The following TTC38 variants were observed in gnomAD, a reference collection of about 807,000 sequenced individuals.
TTC38 encodes the protein tetratricopeptide repeat domain 38, also known as tetratricopeptide repeat protein 38.
Under a neutral mutation model 64.2 loss-of-function variants are expected in TTC38, and 64 were observed. The observed-to-expected ratio is 1.00, with a 90% CI of 0.81 to 1.23. TTC38 has a LOEUF of 1.23. Ranked by LOEUF, TTC38 falls within the 50% of genes most tolerant of loss-of-function variation. The pLI, the probability that TTC38 is intolerant of heterozygous loss-of-function variation, is 0.00. For missense variants in TTC38, 573 were observed against 615.5 expected, an observed-to-expected ratio of 0.93 and a Z score of 0.73; for synonymous variants, 254 against 249.3, an observed-to-expected ratio of 1.02 and a Z score of -0.18.
intron 6 of TTC38, among the ~76,000 whole-genome samples, chr22:46,279,194 G>T (rs1012676561): frequency 1.3e-5 from 2 of 152,228 alleles, no homozygotes; most frequent in East Asian, 3.8e-4. Flanking sequence ...AGGGCTGGGT[G>T]GCAGGCTGCA....
intron 11 of TTC38, 126 bp from the exon 12 acceptor site, chr22:46,289,276 C>A (rs1029568612): frequency 2.6e-5 from 32 of 1,220,118 alleles, no homozygotes; most frequent in Non-Finnish European, 3.4e-5. Flanking sequence ...CCTGTCACCT[C>A]ACCTCATCAG....
At chr22:46,287,920 C>T (rs1163364442) in intron 10 of TTC38, among the ~76,000 whole-genome samples, 2 of 152,220 alleles carry the variant, frequency 1.3e-5, no homozygotes, top group South Asian at 2.1e-4. Flanking sequence ...ACATAGAAGC[C>T]AGCAGCCTGC....
intron 5 of TTC38, among the ~76,000 whole-genome samples, chr22:46,277,441 C>T (rs2077500139): frequency 6.6e-6 from 1 of 151,946 alleles, no homozygotes. Flanking sequence ...CCCGTCTCTA[C>T]TAAAAATACC....
chr22:46,279,143 C>T (rs1773693655), intron 6 of TTC38, among the ~76,000 whole-genome samples: 1 of 152,178 alleles, frequency 6.6e-6, no homozygotes, highest in South Asian at 2.1e-4. Context: ...TGATGATCGC[C>T]AGTCATGATC....
At position 46,281,524 on chromosome 22, in the gene TTC38, A is replaced by G. The variant is rs1345716223; in HGVS notation, c.616-75A>G. The G allele has an allele frequency of 2.6e-6, 4 of 1,563,560 alleles. No homozygotes were observed. The highest frequency in any genetic ancestry group is 2.6e-6 in the Non-Finnish European group (3 of 1,148,106). On this transcript the variant is annotated intron_variant, in intron 6 of 13. Coordinates refer to ENST00000381031, the MANE Select transcript of TTC38 (RefSeq NM_017931.4). The surrounding 1 kb of genome is among the most constrained non-coding windows in gnomAD (Gnocchi z 5.2). ...AGCCCAGGCCCCTCTTGCCCCTTAG[A>G]GACCTGCCGTCGCCTGCCCCGGCAG...
rs1298103396 is a variant in TTC38 at position 46,293,275 on chromosome 22, G to A, written c.*391G>A. The A allele has an allele frequency of 5.0e-5, 11 of 219,050 alleles. No individual in the cohort carries two copies. Among genetic ancestry groups the A allele is most frequent in the East Asian group, 9.9e-5 (1 of 10,148 alleles). 13.6% of individuals were successfully genotyped at this position (219,050 alleles called of 1,614,324 possible). A position where few individuals can be genotyped will look rare whatever the true frequency, so the allele number is the denominator to read the frequency against. ...CAGCCTCCCCCCACTGCCTGTCCCC[G>A]TCCCCACCAGGCTGCCCTTGGGATG... On this transcript the variant is annotated 3_prime_UTR_variant, in exon 14 of 14. Coordinates refer to ENST00000381031, the MANE Select transcript of TTC38 (RefSeq NM_017931.4). This position sits in a 1 kb window ranked among gnomAD's most constrained non-coding sequence, Gnocchi z 6.6.
In TTC38 at chr22:46,289,458, G is replaced by T. The variant is rs979000466; in HGVS notation, c.1139G>T (p.Cys380Phe). ...GCCCGAGACGTGGGGCTGCCCCTGT[G>T]CCAGGCCCTGGTGGAGGCTGAGGAC... is the stretch of plus-strand genomic sequence containing the variant. ...LLARDVGLPL[C>F]QALVEAEDGN... Residue 380 changes from cysteine (C) to phenylalanine (F), a missense_variant, in exon 12 of 14, where the codon TGC becomes TTC. Physicochemically the swap from Cys to Phe is radical, Grantham distance 205. Transcript: ENST00000381031. 3.1e-6 allele frequency: 5 copies of T among 1,609,342 alleles called. No individual in the cohort carries two copies. Among genetic ancestry groups the T allele is most frequent in the Non-Finnish European group, 3.4e-6 (4 of 1,179,762 alleles).
chr22:46,275,465 C>G lies in TTC38; in HGVS notation c.539+44C>G. 3 of 1,568,650 alleles carry G rather than the reference C, an allele frequency of 1.9e-6. No homozygotes were observed. The highest frequency in any genetic ancestry group is 2.6e-6 in the Non-Finnish European group (3 of 1,152,156). ...TCACATTATTTCTGTTTCTTAATCT[C>G]TCTTTTCTGCCCTAAAAATATGGTG... On this transcript the variant is annotated intron_variant, in intron 5 of 13. Transcript: ENST00000381031. The surrounding 1 kb of genome is among the most constrained non-coding windows in gnomAD (Gnocchi z 4.5).
rs765670196 is a variant in TTC38 at position 46,283,955 on chromosome 22, T to C, written c.736-18T>C. The C allele has an allele frequency of 1.8e-5, 27 of 1,471,900 alleles. No individual in the cohort carries two copies. The highest frequency in any genetic ancestry group is 2.4e-5 in the East Asian group (1 of 42,008). 91.2% of individuals were successfully genotyped at this position (1,471,900 alleles called of 1,614,324 possible). On this transcript the variant is annotated intron_variant, in intron 7 of 13. Transcript: ENST00000381031. The stretch of plus-strand genomic sequence containing the variant: ...CCTTCAGACTTTTCATAAATTCTCT[T>C]TTTTTTTTTTTCTCCAGGACTCTGA...
Position 46,288,602 on chromosome 22 carries a change from C to G in TTC38, c.1082+14C>G. Reference sequence around the variant, plus strand: ...GGACGCCAGCGAGTATGCAGAGGGGCCTTCTCGGGGTGGGGGTCCTCACCC... The same window carrying G: ...GGACGCCAGCGAGTATGCAGAGGGGGCTTCTCGGGGTGGGGGTCCTCACCC... On this transcript the variant is annotated intron_variant, in intron 11 of 13. Transcript: ENST00000381031. 6.2e-7 allele frequency: 1 copy of G among 1,611,898 alleles called. No homozygotes were observed. The highest frequency in any genetic ancestry group is 2.2e-5 in the East Asian group (1 of 44,856).
intron 11 of TTC38, 132 bp downstream of exon 11, chr22:46,288,720 C>T (rs1159801772): frequency 1.1e-5 from 10 of 907,984 alleles, no homozygotes; most frequent in Middle Eastern, 3.1e-4. Flanking sequence ...CCCATGGAGG[C>T]AGCTCCCAGG....
Position 46,274,596 on chromosome 22 carries a change from G to A in TTC38, c.365+527G>A, listed in dbSNP as rs12168027. On this transcript the variant is annotated intron_variant, in intron 4 of 13. Coordinates refer to ENST00000381031, the MANE Select transcript of TTC38 (RefSeq NM_017931.4). The surrounding 1 kb of genome is among the most constrained non-coding windows in gnomAD (Gnocchi z 4.8). Reference sequence around the variant, plus strand: ...CCCTAGCCGATTGTGCAGGGACTCAGGGATTCCGAACCCTGAGACTGGGGA... The same window carrying A: ...CCCTAGCCGATTGTGCAGGGACTCAAGGATTCCGAACCCTGAGACTGGGGA... 5.0e-3 allele frequency among the ~76,000 whole-genome samples: 757 copies of A among 152,364 alleles called. 6 individuals carry two copies. Among genetic ancestry groups the A allele is most frequent in the African/African-American group, 0.017 (716 of 41,582 alleles).
intron 9 of TTC38, 97 bp from the exon 10 acceptor site, chr22:46,286,976 A>AGAG: frequency 1.1e-6 from 1 of 916,126 alleles, no homozygotes; most frequent in Non-Finnish European, 1.7e-6. Context: ...TGCTCTATGC[A>AGAG]GGCCCCACCC....
Position 46,292,126 on chromosome 22 carries a change from C to A in TTC38, c.1317-665C>A, listed in dbSNP as rs1383585026. ...CAGCCACTTTCTTGCTGTGTCCTCA[C>A]ATGACCTTTCCTTTGAGTGCTAATT... On this transcript the variant is annotated intron_variant, in intron 13 of 13. Coordinates refer to ENST00000381031, the MANE Select transcript of TTC38 (RefSeq NM_017931.4). This position sits in a 1 kb window ranked among gnomAD's most constrained non-coding sequence, Gnocchi z 6.5. The A allele has an allele frequency of 1.7e-5, 7 of 404,012 alleles. No individual in the cohort carries two copies. The East Asian group carries it at 2.1e-4, about 12-fold the overall frequency. The allele number at this position is 404,012 out of a possible 1,614,324, so 25.0% of individuals were successfully genotyped here.
Position 46,289,579 on chromosome 22 carries a change from A to C in TTC38, c.1242+18A>C. ...ATGCCCAGGTGAGCCGATGGCCGCCAGCTGGGGTGCCTAGGGCCTGGGCCA... is the reference window on the plus strand; with the variant it reads ...ATGCCCAGGTGAGCCGATGGCCGCCCGCTGGGGTGCCTAGGGCCTGGGCCA... On this transcript the variant is annotated intron_variant, in intron 12 of 13. Coordinates refer to ENST00000381031, the MANE Select transcript of TTC38 (RefSeq NM_017931.4). The C allele has an allele frequency of 6.4e-7, 1 of 1,562,638 alleles. No homozygotes were observed. Among genetic ancestry groups the C allele is most frequent in the Non-Finnish European group, 8.7e-7 (1 of 1,155,254 alleles).
chr22:46,286,389 G>A (rs571879557), intron 9 of TTC38, among the ~76,000 whole-genome samples: 119 of 152,192 alleles, frequency 7.8e-4, no homozygotes, highest in African/African-American at 2.7e-3. Flanking sequence ...GGCCGGGCAC[G>A]GTGGCTCACA....
Position 46,282,330 on chromosome 22 carries a change from A to G in TTC38, c.735+612A>G, listed in dbSNP as rs1363601702. On this transcript the variant is annotated intron_variant, in intron 7 of 13. Coordinates refer to ENST00000381031, the MANE Select transcript of TTC38 (RefSeq NM_017931.4). The surrounding 1 kb of genome is among the most constrained non-coding windows in gnomAD (Gnocchi z 4.4). ...GGAGGCCTTGTCAGTCCCTCTTTCC[A>G]GGGGAGGCAAGGTGGTGTCCAGGCA... Among the ~76,000 whole-genome samples the G allele has an allele frequency of 6.6e-6, 1 of 152,116 alleles. No individual in the cohort carries two copies. The highest frequency in any genetic ancestry group is 2.4e-5 in the African/African-American group (1 of 41,410).
At chr22:46,286,513 T>C (rs1336015837) in intron 9 of TTC38, among the ~76,000 whole-genome samples, 4 of 151,884 alleles carry the variant, frequency 2.6e-5, no homozygotes, top group Non-Finnish European at 5.9e-5. Context: ...ATACAAAAAC[T>C]AGCTGCATGT....
chr22:46,268,018 G>T lies in TTC38; in HGVS notation c.-22G>T, dbSNP rs556059445. On this transcript the variant is annotated 5_prime_UTR_variant, in exon 1 of 14. Transcript: ENST00000381031. Reference sequence around the variant, plus strand: ...AAGGCCCGGGTGCCCAGAGCTCGCGGTGGACTCCGACCCGGCGCAACATGG... The same window carrying T: ...AAGGCCCGGGTGCCCAGAGCTCGCGTTGGACTCCGACCCGGCGCAACATGG... 8.0e-5 allele frequency: 123 copies of T among 1,530,640 alleles called. 2 individuals are homozygous for T. In the South Asian group the frequency reaches 1.5e-3, roughly 18 times the overall value. 94.8% of individuals were successfully genotyped at this position (1,530,640 alleles called of 1,614,324 possible).
Sources: gnomAD v4.1 joint callset for allele counts (sites outside exome capture counted in the v4.1 genomes callset) on GRCh38, gnomAD v4.1.1 for gene constraint, Gnocchi (gnomAD v3.1) non-coding constraint, MANE v1.5 for transcripts, NCBI Gene and HGNC (gene_info 2026-07-23, HGNC 2026-07-21) for gene names.